The following SCHIP1 variants were observed in gnomAD, a reference collection of about 807,000 sequenced individuals.
SCHIP1 encodes schwannomin-interacting protein 1.
SCHIP1 carries 8 observed loss-of-function variants against 29.7 expected under a neutral mutation model. That is an observed-to-expected ratio of 0.27 (90% CI 0.16 to 0.49). The LOEUF (loss-of-function observed/expected upper bound fraction) is 0.49, where lower values mean the gene tolerates loss of function less well. SCHIP1 is among the 20% of genes least tolerant of loss of function. SCHIP1 has a pLI of 0.99. For synonymous variants in SCHIP1, 76 were observed against 94.9 expected, an observed-to-expected ratio of 0.80 and a Z score of 1.16; for missense variants, 193 against 294.6, an observed-to-expected ratio of 0.66 and a Z score of 2.52.
the SCHIP1 span, among the ~76,000 whole-genome samples, chr3:159,384,734 G>C: frequency 6.6e-6 from 1 of 151,672 alleles, no homozygotes; most frequent in African/African-American, 2.4e-5. Flanking sequence ...GAATCCATCT[G>C]GTTCTGGACT....
the SCHIP1 span, among the ~76,000 whole-genome samples, chr3:159,784,077 G>A: frequency 6.6e-6 from 1 of 152,290 alleles, no homozygotes; most frequent in East Asian, 1.9e-4. Context: ...TGATTGGATT[G>A]GGGAGTCTTG....
the SCHIP1 span, among the ~76,000 whole-genome samples, chr3:159,352,939 T>C: frequency 1.3e-5 from 2 of 152,122 alleles, no homozygotes; most frequent in African/African-American, 4.8e-5. Context: ...ACAGCTTTCA[T>C]GAAAATTGTG....
chr3:159,680,689 A>ATATATAATATATAT, the SCHIP1 span, among the ~76,000 whole-genome samples: 23 of 50,134 alleles, frequency 4.6e-4, no homozygotes, highest in South Asian at 4.0e-3. Context: ...TAATATATGT[A>ATATATAATATATAT]TATATATAAT....
chr3:159,384,016 A>G, the SCHIP1 span, among the ~76,000 whole-genome samples: 3 of 151,358 alleles, frequency 2.0e-5, no homozygotes, highest in South Asian at 4.2e-4. Context: ...GGGCTGAGAC[A>G]ATGGGGTTTT....
At chr3:159,429,201 TA>T in the SCHIP1 span, among the ~76,000 whole-genome samples, 384 of 101,620 alleles carry the variant, frequency 3.8e-3, 2 homozygotes, top group African/African-American at 0.013. Flanking sequence ...ATAATAATAA[TA>T]AAAAAAAAGA....
chr3:159,273,391 T>G, the SCHIP1 span: 3 of 1,001,234 alleles, frequency 3.0e-6, no homozygotes, highest in Non-Finnish European at 3.6e-6. Context: ...TATTGTATTA[T>G]TTTTAATCGA....
chr3:159,851,991 A>C (rs1310934061), intron 1 of SCHIP1, among the ~76,000 whole-genome samples: 1 of 152,230 alleles, frequency 6.6e-6, no homozygotes, highest in African/African-American at 2.4e-5. Flanking sequence ...GGAAGATTTC[A>C]CTTTGGTTTG....
the SCHIP1 span, among the ~76,000 whole-genome samples, chr3:159,790,013 C>T: frequency 6.6e-6 from 1 of 152,196 alleles, no homozygotes; most frequent in Admixed American, 6.5e-5. Context: ...GCTGCAACCG[C>T]TCCCACCGCC....
At chr3:159,373,397 A>G in the SCHIP1 span, among the ~76,000 whole-genome samples, 1 of 152,014 alleles carries the variant, frequency 6.6e-6, no homozygotes, top group South Asian at 2.1e-4. Context: ...GCTAATAGAC[A>G]TATCCATCAC....
chr3:159,650,657 G>C, the SCHIP1 span, among the ~76,000 whole-genome samples: 13 of 152,118 alleles, frequency 8.5e-5, no homozygotes, highest in Admixed American at 2.6e-4. Context: ...GCTGTTTATT[G>C]CATTGTTGTT....
At chr3:159,517,684 A>AAT in the SCHIP1 span, among the ~76,000 whole-genome samples, 39 of 150,976 alleles carry the variant, frequency 2.6e-4, no homozygotes, top group East Asian at 4.2e-3. Flanking sequence ...GTGTGTACAT[A>AAT]ATATATATAT....
the SCHIP1 span, among the ~76,000 whole-genome samples, chr3:159,415,399 G>T: frequency 6.6e-6 from 1 of 152,068 alleles, no homozygotes; most frequent in Non-Finnish European, 1.5e-5. Context: ...CATTACCCAG[G>T]TATTAAGCCT....
the SCHIP1 span, among the ~76,000 whole-genome samples, chr3:159,385,575 C>CAAAAAAAAAAAAACAAAA: frequency 7.5e-6 from 1 of 133,142 alleles, no homozygotes. Context: ...AACAAACAAA[C>CAAAAAAAAAAAAACAAAA]AAAAAAAAAA....
the SCHIP1 span, among the ~76,000 whole-genome samples, chr3:159,790,226 T>C: frequency 2.6e-5 from 4 of 152,252 alleles, no homozygotes; most frequent in Non-Finnish European, 5.9e-5. Context: ...GAAATGCTTT[T>C]AGTGAATCAT....
At chr3:159,885,773 A>G (rs1716902714) in intron 2 of SCHIP1, among the ~76,000 whole-genome samples, 1 of 152,178 alleles carries the variant, frequency 6.6e-6, no homozygotes, top group South Asian at 2.1e-4. Context: ...TTCTTCAGAG[A>G]GCTGTGGCCT....
At chr3:159,782,641 G>T in the SCHIP1 span, among the ~76,000 whole-genome samples, 2 of 152,106 alleles carry the variant, frequency 1.3e-5, 1 homozygote, top group South Asian at 4.1e-4. Flanking sequence ...TCAAATCCAT[G>T]CAATCTTAAG....
chr3:159,515,202 A>G, the SCHIP1 span, among the ~76,000 whole-genome samples: 1 of 152,068 alleles, frequency 6.6e-6, no homozygotes, highest in East Asian at 1.9e-4. Flanking sequence ...GGTTATTAAA[A>G]AAAAAAAAAA....
the SCHIP1 span, among the ~76,000 whole-genome samples, chr3:159,498,595 G>A: frequency 6.6e-6 from 1 of 151,922 alleles, no homozygotes; most frequent in Admixed American, 6.6e-5. Flanking sequence ...TCAACATTAG[G>A]GAAAGGGACA....
At chr3:159,870,164 A>C (rs1173866676) in intron 2 of SCHIP1, among the ~76,000 whole-genome samples, 1 of 152,026 alleles carries the variant, frequency 6.6e-6, no homozygotes, top group Non-Finnish European at 1.5e-5. Flanking sequence ...GAATGATATC[A>C]TCTACAAATA....
Sources: gnomAD v4.1 joint callset for allele counts (sites outside exome capture counted in the v4.1 genomes callset) on GRCh38, gnomAD v4.1.1 for gene constraint, MANE v1.5 for transcripts, NCBI Gene and HGNC (gene_info 2026-07-23, HGNC 2026-07-21) for gene names.